Variants in LAMA4 observed in about 807,000 individuals in gnomAD.
LAMA4 encodes laminin subunit alpha 4.
A neutral mutation model predicts 207.1 loss-of-function variants in LAMA4; 127 were observed. The observed-to-expected ratio is 0.61, with a 90% confidence interval of 0.53 to 0.71. The LOEUF (loss-of-function observed/expected upper bound fraction) is 0.71, where lower values mean the gene tolerates loss of function less well. LAMA4 is among the 30% of genes least tolerant of loss of function. The pLI, the probability that LAMA4 is intolerant of heterozygous loss-of-function variation, is 0.00. For synonymous variants in LAMA4, 761 were observed against 816.0 expected, an observed-to-expected ratio of 0.93 and a Z score of 1.15; for missense variants, 2,093 against 2,246.5, an observed-to-expected ratio of 0.93 and a Z score of 1.38.
chr6:112,191,826 G>A lies in LAMA4; in HGVS notation c.528C>T (p.Asn176=). The change falls in exon 6 of 39, where the codon AAC becomes AAT. Residue 176 remains asparagine (N), a synonymous_variant. Coordinates refer to ENST00000230538, the MANE Select transcript of LAMA4 (RefSeq NM_001105206.3). ...TACAGGTGCTTCCAATGAGTAAGGG[G>A]TTTCCATAGTAACCGGGAGCACATC... The part of the protein sequence containing the change: ...CERCAPGYYG[N]PLLIGSTCKK... 6.2e-7 allele frequency: 1 copy of A among 1,613,764 alleles called. No homozygotes were observed. The highest frequency in any genetic ancestry group is 8.5e-7 in the Non-Finnish European group (1 of 1,179,754).
chr6:112,110,194 A>T (rs1054568125), intron 38 of LAMA4, among the ~76,000 whole-genome samples: 2 of 143,996 alleles, frequency 1.4e-5, no homozygotes, highest in Non-Finnish European at 3.1e-5. Flanking sequence ...TGCCAAGGGA[A>T]CTTTCTCCTC....
intron 2 of LAMA4, chr6:112,218,303 T>A (rs1784741803): frequency 6.7e-6 from 1 of 149,884 alleles, no homozygotes; most frequent in Non-Finnish European, 1.5e-5. Flanking sequence ...AGGATCTGCA[T>A]TTTAAAAAAT....
chr6:112,195,879 A>G (rs781918808), intron 5 of LAMA4, among the ~76,000 whole-genome samples: 2 of 152,000 alleles, frequency 1.3e-5, no homozygotes, highest in Non-Finnish European at 2.9e-5. Flanking sequence ...GTGTGATGTT[A>G]GATTAAGTCA....
chr6:112,128,682 A>G (rs2114633275), intron 31 of LAMA4, among the ~76,000 whole-genome samples: 1 of 152,320 alleles, frequency 6.6e-6, no homozygotes, highest in East Asian at 1.9e-4. Context: ...TTGAAAGATC[A>G]CTCTGTACCC....
chr6:112,216,289 A>T, intron 3 of LAMA4, 79 bp downstream of exon 3: 1 of 998,136 alleles, frequency 1.0e-6, no homozygotes, highest in South Asian at 1.3e-5. Flanking sequence ...TGGCTCAAAC[A>T]TCCGAAAAAT....
In LAMA4 at chr6:112,109,399, T is replaced by C. The variant is rs1583615523; in HGVS notation, c.*38A>G. The C allele has an allele frequency of 6.2e-7, 1 of 1,612,460 alleles. No individual in the cohort carries two copies. Among genetic ancestry groups the C allele is most frequent in the African/African-American group, 1.3e-5 (1 of 75,012 alleles). Reference sequence around the variant, plus strand: ...TGGCTTTGTGTTTCTTTCAGTGCTCTAAAGAACTTTGTATTTGGGCAGCTG... The same window carrying C: ...TGGCTTTGTGTTTCTTTCAGTGCTCCAAAGAACTTTGTATTTGGGCAGCTG... On this transcript the variant is annotated 3_prime_UTR_variant, in exon 39 of 39. Coordinates refer to ENST00000230538, the MANE Select transcript of LAMA4 (RefSeq NM_001105206.3).
chr6:112,193,859 T>C (rs1783261412), intron 5 of LAMA4, among the ~76,000 whole-genome samples: 1 of 152,144 alleles, frequency 6.6e-6, no homozygotes, highest in Admixed American at 6.5e-5. Flanking sequence ...ACAAGGACAA[T>C]TCATGTCCAT....
intron 38 of LAMA4, 131 bp from the exon 39 acceptor site, chr6:112,109,713 T>G: frequency 1.1e-6 from 1 of 952,322 alleles, no homozygotes; most frequent in Non-Finnish European, 1.6e-6. Context: ...TAGAACATAG[T>G]TATAATTGAC....
At chr6:112,244,717 C>G (rs1313823672) in intron 2 of LAMA4, among the ~76,000 whole-genome samples, 3 of 152,146 alleles carry the variant, frequency 2.0e-5, no homozygotes, top group Admixed American at 1.3e-4. Context: ...TCTCTTCTCA[C>G]GTACAAAATG....
intron 19 of LAMA4, among the ~76,000 whole-genome samples, chr6:112,144,134 C>T (rs1779874456): frequency 6.6e-6 from 1 of 152,170 alleles, no homozygotes; most frequent in South Asian, 2.1e-4. Context: ...CAAGAACAAG[C>T]TCCACTTTGC....
chr6:112,211,497 A>G (rs545126817), intron 3 of LAMA4, among the ~76,000 whole-genome samples: 1 of 152,390 alleles, frequency 6.6e-6, no homozygotes, highest in South Asian at 2.1e-4. Context: ...ATTAAAATGA[A>G]GAAGACCTGG....
chr6:112,190,947 C>CCTTTCTTTCCTTT (rs1783060504), intron 6 of LAMA4, among the ~76,000 whole-genome samples: 1 of 40,472 alleles, frequency 2.5e-5, no homozygotes, highest in African/African-American at 1.1e-4. Context: ...TTCTTTCTTT[C>CCTTTCTTTCCTTT]CTTTCTTTCT....
At position 112,141,478 on chromosome 6, in the gene LAMA4, G is replaced by T. The variant is rs1554333230; in HGVS notation, c.2693C>A (p.Ala898Glu). 1.2e-6 allele frequency: 2 copies of T among 1,608,502 alleles called. No homozygotes were observed. Among genetic ancestry groups the T allele is most frequent in the African/African-American group, 2.7e-5 (2 of 74,774 alleles). The change falls in exon 21 of 39, where the codon GCA becomes GAA. Residue 898 changes from alanine (A) to glutamate (E), a missense_variant. By Grantham distance (107) the Ala-to-Glu change is moderately radical. Transcript: ENST00000230538. ...KNAKKEYMGL[A>E]IKNDNLVYVY... ...GTATACCAGATTATCATTTTTGATT[G>T]CAAGACCCATATACTCTTTTTTGGC...
At chr6:112,188,867 T>C (rs367853253) in intron 7 of LAMA4, 7 of 481,494 alleles carry the variant, frequency 1.5e-5, no homozygotes, top group East Asian at 7.4e-5. Flanking sequence ...TTAGGTAAGA[T>C]TCTGAATGTA....
At chr6:112,247,687 A>T (rs1554188932) in intron 2 of LAMA4, among the ~76,000 whole-genome samples, 3 of 152,172 alleles carry the variant, frequency 2.0e-5, no homozygotes, top group Non-Finnish European at 4.4e-5. Context: ...TAAGACTCCA[A>T]GTCTTAAAAC....
chr6:112,227,766 T>C (rs1241380312), intron 2 of LAMA4, among the ~76,000 whole-genome samples: 1 of 152,218 alleles, frequency 6.6e-6, no homozygotes, highest in Non-Finnish European at 1.5e-5. Flanking sequence ...ATATCTGTCT[T>C]AGTTAAAGCA....
At chr6:112,225,984 T>C (rs945597179) in intron 2 of LAMA4, among the ~76,000 whole-genome samples, 1 of 152,172 alleles carries the variant, frequency 6.6e-6, no homozygotes, top group East Asian at 1.9e-4. Context: ...GGTTAGGCTG[T>C]TCCTACCTCC....
At chr6:112,177,746 A>C (rs1024300876) in intron 10 of LAMA4, among the ~76,000 whole-genome samples, 1 of 152,226 alleles carries the variant, frequency 6.6e-6, no homozygotes, top group African/African-American at 2.4e-5. Context: ...CTGATAGTTT[A>C]CTGGCATTCT....
Position 112,172,594 on chromosome 6 carries a change from G to GT in LAMA4, c.1551+16dup. 1 of 1,611,492 alleles carries GT rather than the reference G, an allele frequency of 6.2e-7. No individual in the cohort carries two copies. On this transcript the variant is annotated intron_variant, in intron 12 of 38. Coordinates refer to ENST00000230538, the MANE Select transcript of LAMA4 (RefSeq NM_001105206.3). ...CTGCTGATGCTGAAATGCATTGATG[G>GT]TGAGTGTCCGCTGTACCTCATGGTC...
Sources: gnomAD v4.1 joint callset for allele counts (sites outside exome capture counted in the v4.1 genomes callset) on GRCh38, gnomAD v4.1.1 for gene constraint, MANE v1.5 for transcripts, NCBI Gene and HGNC (gene_info 2026-07-23, HGNC 2026-07-21) for gene names.